The following ZBTB48 variants were observed in gnomAD, a reference collection of about 807,000 sequenced individuals.
ZBTB48 encodes zinc finger and BTB domain containing 48.
ZBTB48 carries 35 observed loss-of-function variants against 64.5 expected under a neutral mutation model. The observed-to-expected ratio is 0.54, with a 90% CI of 0.41 to 0.72. The LOEUF is 0.72. Ranked by LOEUF, ZBTB48 falls within the 30% of genes least tolerant of loss-of-function variation. The pLI, the probability that ZBTB48 is intolerant of heterozygous loss-of-function variation, is 0.00. For missense variants in ZBTB48, 828 were observed against 895.3 expected (o/e 0.92, Z 0.96); for synonymous variants, 442 against 356.7 (o/e 1.24, Z -2.70).
At chr1:6,586,088 G>T in intron 4 of ZBTB48, 58 bp downstream of exon 4, 1 of 1,558,660 alleles carries the variant, frequency 6.4e-7, no homozygotes, top group South Asian at 1.1e-5. Context: ...CTCTGTCTTC[G>T]TGCCATCCGG....
In ZBTB48 at chr1:6,587,249, G is replaced by C; in HGVS notation, c.1182G>C (p.Gln394His). The stretch of plus-strand genomic sequence containing the variant: ...AGTTCATGCAGAAGAAGGACTTGCA[G>C]AGCCACATGATCAAACTTCATGGAG... ...SQQFMQKKDL[Q>H]SHMIKLHGAP... The change falls in exon 6 of 11, where the codon CAG becomes CAC. Residue 394 changes from glutamine (Q) to histidine (H), a missense_variant. By Grantham distance (24) the Gln-to-His change is conservative (BLOSUM62 0). Transcript: ENST00000377674. 6.2e-7 allele frequency: 1 copy of C among 1,614,102 alleles called. No individual in the cohort carries two copies. Among genetic ancestry groups the C allele is most frequent in the South Asian group, 1.1e-5 (1 of 91,090 alleles).
At position 6,580,657 on chromosome 1, in the gene ZBTB48, C is replaced by T. The variant is rs1185739680; in HGVS notation, c.48C>T (p.Leu16=). Residue 16 remains leucine, a synonymous_variant, in exon 2 of 11, where the codon CTC becomes CTT. Coordinates refer to ENST00000377674, the MANE Select transcript of ZBTB48 (RefSeq NM_005341.4). This position sits in a 1 kb window ranked among gnomAD's most constrained non-coding sequence, Gnocchi z 5.2. ...ACAGTGTGAGGGTTCTGCAGGAGCT[C>T]AACAAGCAGCGGGAGAAGGGCCAGT... ...VQHSVRVLQE[L]NKQREKGQYC... The T allele has an allele frequency of 1.2e-6, 2 of 1,614,042 alleles. No individual in the cohort carries two copies. Among genetic ancestry groups the T allele is most frequent in the Non-Finnish European group, 1.7e-6 (2 of 1,180,010 alleles).
chr1:6,581,650 C>G (rs979267767), intron 2 of ZBTB48, among the ~76,000 whole-genome samples: 26 of 147,764 alleles, frequency 1.8e-4, no homozygotes, highest in African/African-American at 6.3e-4. Flanking sequence ...GGCGACAGAG[C>G]AAGATCCTGT....
rs767850089 is a variant in ZBTB48, at chr1:6,587,539, A to T, written c.1286A>T (p.Lys429Met). ...GAGCTGCAGCTGCATGAAGCTTTCA[A>T]GCACCGTGGTGAGAAGCTGTTTGTG... ...RTELQLHEAF[K>M]HRGEKLFVCE... The change falls in exon 7 of 11, where the codon AAG becomes ATG. Residue 429 changes from lysine (K) to methionine (M), a missense_variant. Coordinates refer to ENST00000377674, the MANE Select transcript of ZBTB48 (RefSeq NM_005341.4). 20 of 1,613,956 alleles carry T rather than the reference A, an allele frequency of 1.2e-5. No homozygotes were observed. The highest frequency in any genetic ancestry group is 1.5e-5 in the Non-Finnish European group (18 of 1,180,030).
chr1:6,586,635 C>T, intron 4 of ZBTB48, 60 bp from the exon 5 acceptor site: 1 of 1,468,608 alleles, frequency 6.8e-7, no homozygotes, highest in Non-Finnish European at 9.0e-7. Context: ...CGGGCAGAGG[C>T]TGCTGTCATA....
Position 6,586,724 on chromosome 1 carries a change from A to G in ZBTB48, c.1074A>G (p.Thr358=), listed in dbSNP as rs1272488817. 6.3e-7 allele frequency: 1 copy of G among 1,576,248 alleles called. No homozygotes were observed. Among genetic ancestry groups the G allele is most frequent in the Middle Eastern group, 1.7e-4 (1 of 5,884 alleles). ...QVFTCSVCQE[T]FRRRMELRVH... ...TCACGTGCTCTGTGTGCCAGGAGAC[A>G]TTCCGCCGAAGGATGGAGCTGCGGG... The change falls in exon 5 of 11, where the codon ACA becomes ACG. Residue 358 remains threonine (T), a synonymous_variant. Transcript: ENST00000377674.
intron 2 of ZBTB48, 31 bp downstream of exon 2, chr1:6,581,330 G>A: frequency 6.5e-7 from 1 of 1,542,986 alleles, no homozygotes; most frequent in South Asian, 1.2e-5. Flanking sequence ...GGACTGGGGA[G>A]ACAAATAGAG....
rs1413689674 is a variant in ZBTB48, at chr1:6,581,001, G to C, written c.392G>C (p.Gly131Ala). ...GCAGCAGGTGGCCAGAGTGGGCTGG[G>C]GCCCCCTGCCTCCCAGAATGTGAAC... Reference protein sequence around the residue: ...GQAAGGQSGLGPPASQNVNSH... With the variant: ...GQAAGGQSGLAPPASQNVNSH... The change falls in exon 2 of 11, where the codon GGG becomes GCG. Residue 131 changes from glycine to alanine, a missense_variant. Transcript: ENST00000377674. 1 of 1,613,398 alleles carries C rather than the reference G, an allele frequency of 6.2e-7. No homozygotes were observed. The highest frequency in any genetic ancestry group is 1.7e-5 in the Admixed American group (1 of 60,004).
Position 6,580,479 on chromosome 1 carries a change from G to T in ZBTB48, c.-69-62G>T. On this transcript the variant is annotated intron_variant, in intron 1 of 10. Coordinates refer to ENST00000377674, the MANE Select transcript of ZBTB48 (RefSeq NM_005341.4). The surrounding 1 kb of genome is among the most constrained non-coding windows in gnomAD (Gnocchi z 5.2). ...ACCCCTCACCCTGACCCAAGCCCTC[G>T]TGCTGATAAATATGATTATTTGAGT... 1.0e-6 allele frequency: 1 copy of T among 964,612 alleles called. No homozygotes were observed. 59.8% of individuals were successfully genotyped at this position (964,612 alleles called of 1,614,324 possible).
intron 3 of ZBTB48, among the ~76,000 whole-genome samples, chr1:6,583,152 G>A (rs1300891872): frequency 1.3e-5 from 2 of 151,322 alleles, no homozygotes; most frequent in African/African-American, 2.4e-5. Flanking sequence ...CACCACACCC[G>A]GCTAATTTTT....
At position 6,589,022 on chromosome 1, in the gene ZBTB48, T is replaced by TGGC; in HGVS notation, c.1879_1881dup (p.Ala627dup). On this transcript the variant is annotated inframe_insertion, in exon 11 of 11. Transcript: ENST00000377674. ...ATCGAGGACGAGAAGATGGTGGTGGTGGCGCTGCAGCCGCCTGCAGAGCTG... is the reference window on the plus strand; with the variant it reads ...ATCGAGGACGAGAAGATGGTGGTGGTGGCGGCGCTGCAGCCGCCTGCAGAGCTG... 1 of 1,596,542 alleles carries TGGC rather than the reference T, an allele frequency of 6.3e-7. No individual in the cohort carries two copies. The highest frequency in any genetic ancestry group is 8.5e-7 in the Non-Finnish European group (1 of 1,169,946).
chr1:6,587,340 A>T, intron 6 of ZBTB48, 49 bp downstream of exon 6: 1 of 1,613,202 alleles, frequency 6.2e-7, no homozygotes, highest in South Asian at 1.1e-5. Context: ...CATGAGCAAG[A>T]GTGAGCTGTG....
At position 6,582,268 on chromosome 1, in the gene ZBTB48, C is replaced by T. The variant is rs1640498307; in HGVS notation, c.901C>T (p.Leu301Phe). ...VECPTCHKKF[L>F]SKYYLKVHNR... ...ATGCCCCACATGTCATAAAAAGTTC[C>T]TCAGCAAATATTATCTAAAAGTCCA... Residue 301 changes from leucine to phenylalanine, a missense_variant, in exon 3 of 11, where the codon CTC becomes TTC. Physicochemically the swap from Leu to Phe is conservative, Grantham distance 22 (BLOSUM62 0). Coordinates refer to ENST00000377674, the MANE Select transcript of ZBTB48 (RefSeq NM_005341.4). The T allele has an allele frequency of 3.1e-6, 5 of 1,612,938 alleles. No individual in the cohort carries two copies. Among genetic ancestry groups the T allele is most frequent in the Non-Finnish European group, 4.2e-6 (5 of 1,179,022 alleles).
At chr1:6,585,819 G>A (rs1640640878) in intron 3 of ZBTB48, 100 bp from the exon 4 acceptor site, 2 of 1,138,094 alleles carry the variant, frequency 1.8e-6, no homozygotes, top group African/African-American at 3.1e-5. Context: ...TGTCACCTGA[G>A]AACACTTGTT....
chr1:6,588,939 G>C lies in ZBTB48; in HGVS notation c.1794G>C (p.Glu598Asp), dbSNP rs752136260. Residue 598 changes from glutamate to aspartate, a missense_variant, in exon 11 of 11, where the codon GAG becomes GAC. By Grantham distance (45) the Glu-to-Asp change is conservative (BLOSUM62 2). Coordinates refer to ENST00000377674, the MANE Select transcript of ZBTB48 (RefSeq NM_005341.4). Reference protein sequence around the residue: ...TRQAHLRRHMEIHDRVENYNP... With the variant: ...TRQAHLRRHMDIHDRVENYNP... ...AGGCCCACCTGCGGAGGCACATGGA[G>C]ATCCACGACCGGGTAGAGAACTACA... 1 of 1,611,894 alleles carries C rather than the reference G, an allele frequency of 6.2e-7. No individual in the cohort carries two copies. The highest frequency in any genetic ancestry group is 8.5e-7 in the Non-Finnish European group (1 of 1,178,700).
chr1:6,581,429 A>AG lies in ZBTB48; in HGVS notation c.690+136dup, dbSNP rs548730188. On this transcript the variant is annotated intron_variant, in intron 2 of 10. Transcript: ENST00000377674. The stretch of plus-strand genomic sequence containing the variant: ...GTAATCCTAGCACTTTGGGAGGCCA[A>AG]GGGGGGTGGATCACTTTAGCTTGGG... The AG allele has an allele frequency of 4.6e-4, 470 of 1,030,996 alleles. 4 individuals carry two copies. In the East Asian group the frequency reaches 0.011, roughly 23 times the overall value. 63.9% of individuals were successfully genotyped at this position (1,030,996 alleles called of 1,614,324 possible).
chr1:6,581,948 G>C (rs1425046186), intron 2 of ZBTB48, 110 bp from the exon 3 acceptor site: 4 of 1,513,354 alleles, frequency 2.6e-6, no homozygotes, highest in Non-Finnish European at 9.0e-7. Flanking sequence ...CTTGTCTGAT[G>C]AAGGGACTTG....
intron 3 of ZBTB48, 113 bp downstream of exon 3, chr1:6,582,412 C>A: frequency 7.2e-7 from 1 of 1,385,420 alleles, no homozygotes; most frequent in Non-Finnish European, 9.9e-7. Context: ...CCATCTCAGA[C>A]CCACATAGTG....
At chr1:6,586,576 G>A in intron 4 of ZBTB48, 119 bp from the exon 5 acceptor site, 10 of 1,021,638 alleles carry the variant, frequency 9.8e-6, no homozygotes, top group South Asian at 1.7e-5. Flanking sequence ...TCCCACCCTA[G>A]CGTCCCCACC....
Sources: allele counts gnomAD v4.1 joint callset (sites outside exome capture counted in the v4.1 genomes callset), GRCh38; gene constraint gnomAD v4.1.1; non-coding constraint Gnocchi (gnomAD v3.1); transcripts MANE v1.5; gene names NCBI Gene and HGNC (gene_info 2026-07-23, HGNC 2026-07-21).